The following STRIP1 variants were observed in gnomAD, a reference collection of about 807,000 sequenced individuals.
STRIP1 encodes the protein striatin interacting protein 1.
A neutral mutation model predicts 106.2 loss-of-function variants in STRIP1; 63 were observed. That is an observed-to-expected ratio of 0.59 (90% CI 0.48 to 0.73). The LOEUF (loss-of-function observed/expected upper bound fraction) is 0.73. Among genes scored for constraint, STRIP1 ranks in the 30% least tolerant of loss-of-function variants. The probability of loss-of-function intolerance (pLI) is 0.00; values close to 1 mark genes in which losing one functional copy is unlikely to be tolerated. For missense variants in STRIP1, 857 were observed against 1,074.8 expected (o/e 0.80, Z 2.83); for synonymous variants, 390 against 413.0 (o/e 0.94, Z 0.67).
chr1:110,046,179 G>T (rs1444517745), intron 12 of STRIP1, among the ~76,000 whole-genome samples: 4 of 152,086 alleles, frequency 2.6e-5, no homozygotes, highest in African/African-American at 7.2e-5. Context: ...TCTTACTGTA[G>T]TTGCAAGAGG....
Position 110,038,777 on chromosome 1 carries a change from T to C in STRIP1, c.325+20T>C, listed in dbSNP as rs767647023. ...TCCATGGTGAGATGATTTCCCACAC[T>C]TCTTGCTTCCTTTGCCCTGCATAAC... On this transcript the variant is annotated intron_variant, in intron 3 of 20. Transcript: ENST00000369795. 8.7e-6 allele frequency: 14 copies of C among 1,609,972 alleles called. No homozygotes were observed. Among genetic ancestry groups the C allele is most frequent in the Non-Finnish European group, 1.2e-5 (14 of 1,176,300 alleles).
In STRIP1 at chr1:110,051,869, G is replaced by A. The variant is rs1251433167; in HGVS notation, c.2248G>A (p.Asp750Asn). The change falls in exon 20 of 21, where the codon GAC becomes AAC. Residue 750 changes from aspartate to asparagine, a missense_variant. Physicochemically the swap from Asp to Asn is conservative, Grantham distance 23. This residue lies in a region of STRIP1 where 750 missense variants were observed against 989.8 expected (regional missense o/e 0.76). Coordinates refer to ENST00000369795, the MANE Select transcript of STRIP1 (RefSeq NM_033088.4). The stretch of plus-strand genomic sequence containing the variant: ...GAAGGTGCGGCATCGGCTGAACGAC[G>A]ACTGGGCATACGGCAATGGTGAGAC... ...YQKVRHRLND[D>N]WAYGNDLDAR... 6.2e-7 allele frequency: 1 copy of A among 1,612,362 alleles called. No homozygotes were observed. Among genetic ancestry groups the A allele is most frequent in the Non-Finnish European group, 8.5e-7 (1 of 1,179,882 alleles).
chr1:110,039,037 T>G (rs550116165), intron 3 of STRIP1, 135 bp from the exon 4 acceptor site: 1 of 1,012,552 alleles, frequency 9.9e-7, no homozygotes, highest in African/African-American at 1.6e-5. Context: ...AGCAGCAGTA[T>G]GATCTTACCA....
chr1:110,050,799 G>C (rs1248660713), intron 18 of STRIP1, among the ~76,000 whole-genome samples, 157 bp from the exon 19 acceptor site: 1 of 152,192 alleles, frequency 6.6e-6, no homozygotes, highest in Non-Finnish European at 1.5e-5. Flanking sequence ...TCCCCTGCCA[G>C]CTTCTGGGAT....
At chr1:110,051,650 C>T (rs1032847655) in intron 19 of STRIP1, 33 bp from the exon 20 acceptor site, 1 of 1,561,932 alleles carries the variant, frequency 6.4e-7, no homozygotes, top group Non-Finnish European at 8.7e-7. Flanking sequence ...TTTTTGTCTT[C>T]AACTTGGGCT....
chr1:110,053,541 T>C, intron 20 of STRIP1, 124 bp from the exon 21 acceptor site: 1 of 1,372,832 alleles, frequency 7.3e-7, no homozygotes, highest in Non-Finnish European at 9.9e-7. Context: ...TCCTGGCATC[T>C]TTCTGAGGAT....
chr1:110,041,716 C>T lies in STRIP1; in HGVS notation c.758-18C>T. 6.2e-7 allele frequency: 1 copy of T among 1,614,114 alleles called. No individual in the cohort carries two copies. Among genetic ancestry groups the T allele is most frequent in the Non-Finnish European group, 8.5e-7 (1 of 1,180,012 alleles). ...GGAAGGCTTTGGGAGGGTCCTGATA[C>T]CTTTGTGTCACCTCCAGGCTCCCCG... On this transcript the variant is annotated intron_variant, in intron 7 of 20. Transcript: ENST00000369795.
Position 110,054,158 on chromosome 1 carries a change from C to G in STRIP1, c.*246C>G, listed in dbSNP as rs984782853. 2.3e-5 allele frequency: 12 copies of G among 514,826 alleles called. No individual in the cohort carries two copies. Among genetic ancestry groups the G allele is most frequent in the African/African-American group, 2.3e-4 (12 of 52,246 alleles). The allele number at this position is 514,826 out of a possible 1,614,324, so 31.9% of individuals were successfully genotyped here. A position where few individuals can be genotyped will look rare whatever the true frequency, so the allele number is the denominator to read the frequency against. On this transcript the variant is annotated 3_prime_UTR_variant, in exon 21 of 21. Transcript: ENST00000369795. ...CTTCCTTTACTTCCCCCACCCTCCT[C>G]TCTTGGATATGGTTGGTTTTGGCTC...
chr1:110,046,570 C>A, intron 12 of STRIP1, 110 bp from the exon 13 acceptor site: 1 of 945,806 alleles, frequency 1.1e-6, no homozygotes, highest in South Asian at 1.3e-5. Flanking sequence ...ACTTAATCCT[C>A]TTTCAGAAGA....
Position 110,034,649 on chromosome 1 carries a change from A to G in STRIP1, c.12A>G (p.Ala4=), listed in dbSNP as rs899142228. 1.3e-6 allele frequency: 2 copies of G among 1,521,474 alleles called. No individual in the cohort carries two copies. Among genetic ancestry groups the G allele is most frequent in the Non-Finnish European group, 1.8e-6 (2 of 1,135,586 alleles). The allele number at this position is 1,521,474 out of a possible 1,614,324, so 94.2% of individuals were successfully genotyped here. A position where few individuals can be genotyped will look rare whatever the true frequency, so the allele number is the denominator to read the frequency against. The change falls in exon 1 of 21, where the codon GCA becomes GCG. Residue 4 remains alanine, a synonymous_variant. Coordinates refer to ENST00000369795, the MANE Select transcript of STRIP1 (RefSeq NM_033088.4). The stretch of plus-strand genomic sequence containing the variant: ...GTGGAGCAGCCAAGATGGAGCCGGC[A>G]GTCGGCGGTCCGGGCCCACTGATCG... The part of the protein sequence containing the change: MEP[A]VGGPGPLIVN...
chr1:110,053,564 A>G, intron 20 of STRIP1, 101 bp from the exon 21 acceptor site: 1 of 1,494,000 alleles, frequency 6.7e-7, no homozygotes, highest in South Asian at 1.3e-5. Context: ...GCTCGGAGGT[A>G]TCCTGCTCTT....
In STRIP1 at chr1:110,041,823, A is replaced by T; in HGVS notation, c.847A>T (p.Met283Leu). The T allele has an allele frequency of 6.2e-7, 1 of 1,614,148 alleles. No homozygotes were observed. The highest frequency in any genetic ancestry group is 8.5e-7 in the Non-Finnish European group (1 of 1,180,016). Residue 283 changes from methionine (M) to leucine (L), a missense_variant, in exon 8 of 21, where the codon ATG becomes TTG. By Grantham distance (15) the Met-to-Leu change is conservative (BLOSUM62 2). Coordinates refer to ENST00000369795, the MANE Select transcript of STRIP1 (RefSeq NM_033088.4). ...CAGTGGTCACGCCCCTCACTTTCCCATGAAGAAAGTTCTCTTGCTGCTCTG... is the reference window on the plus strand; with the variant it reads ...CAGTGGTCACGCCCCTCACTTTCCCTTGAAGAAAGTTCTCTTGCTGCTCTG... ...FCSGHAPHFP[M>L]KKVLLLLWKT...
intron 1 of STRIP1, among the ~76,000 whole-genome samples, chr1:110,035,316 G>T (rs72976673): frequency 0.05 from 7,596 of 152,276 alleles, 565 homozygotes; most frequent in African/African-American, 0.16. Context: ...CTTAGAGCCG[G>T]ACCGAGCTAA....
chr1:110,043,925 C>G (rs1440869101), intron 10 of STRIP1, 69 bp downstream of exon 10: 9 of 1,422,988 alleles, frequency 6.3e-6, no homozygotes, highest in Non-Finnish European at 7.9e-6. Context: ...GGCCTGCCAC[C>G]TGGCCTGTGT....
intron 8 of STRIP1, among the ~76,000 whole-genome samples, chr1:110,042,546 A>G (rs1369813102): frequency 6.6e-6 from 1 of 152,240 alleles, no homozygotes; most frequent in East Asian, 1.9e-4. Context: ...TTGGCCACAC[A>G]TTCTGTTCTT....
intron 1 of STRIP1, among the ~76,000 whole-genome samples, chr1:110,036,310 G>A (rs1200140966): frequency 3.3e-5 from 5 of 152,012 alleles, no homozygotes; most frequent in Admixed American, 6.5e-5. Flanking sequence ...AAAATTAGCC[G>A]GGCGTGGTGG....
chr1:110,040,128 C>T (rs1490154977), intron 5 of STRIP1, among the ~76,000 whole-genome samples: 1 of 152,180 alleles, frequency 6.6e-6, no homozygotes, highest in Non-Finnish European at 1.5e-5. Context: ...GGATTCAAAC[C>T]GTGGCAGTCC....
At position 110,038,777 on chromosome 1, in the gene STRIP1, T is replaced by G; in HGVS notation, c.325+20T>G. On this transcript the variant is annotated intron_variant, in intron 3 of 20. Coordinates refer to ENST00000369795, the MANE Select transcript of STRIP1 (RefSeq NM_033088.4). ...TCCATGGTGAGATGATTTCCCACAC[T>G]TCTTGCTTCCTTTGCCCTGCATAAC... 6.2e-7 allele frequency: 1 copy of G among 1,609,972 alleles called. No homozygotes were observed. Among genetic ancestry groups the G allele is most frequent in the Non-Finnish European group, 8.5e-7 (1 of 1,176,300 alleles).
Position 110,047,525 on chromosome 1 carries a change from A to G in STRIP1, c.1489-17A>G. 1 of 1,603,258 alleles carries G rather than the reference A, an allele frequency of 6.2e-7. No individual in the cohort carries two copies. Among genetic ancestry groups the G allele is most frequent in the South Asian group, 1.1e-5 (1 of 89,462 alleles). On this transcript the variant is annotated splice_polypyrimidine_tract_variant and intron_variant, in intron 13 of 20. Transcript: ENST00000369795. ...TTCTGGGCTGGGGTTTTATGCTTGT[A>G]CTCATTATGTTAAAAGGGAGAAGAA...
Sources: allele counts gnomAD v4.1 joint callset (sites outside exome capture counted in the v4.1 genomes callset), GRCh38; gene constraint gnomAD v4.1.1; regional missense constraint gnomAD v4.1.1; transcripts MANE v1.5; gene names NCBI Gene and HGNC (gene_info 2026-07-23, HGNC 2026-07-21).